The following SLC35F5 variants were observed in gnomAD, a reference collection of about 807,000 sequenced individuals.
The protein encoded by SLC35F5 is solute carrier family 35 member F5.
A neutral mutation model predicts 68.6 loss-of-function variants in SLC35F5; 54 were observed. That is an observed-to-expected ratio of 0.79 (90% CI 0.63 to 0.99). The LOEUF is 0.99. Ranked by LOEUF, SLC35F5 falls within the 50% of genes least tolerant of loss-of-function variation. The probability of loss-of-function intolerance (pLI) is 0.00; values close to 1 mark genes in which losing one functional copy is unlikely to be tolerated. For missense variants in SLC35F5, 567 were observed against 626.9 expected, an observed-to-expected ratio of 0.90 and a Z score of 1.02; for synonymous variants, 211 against 205.2, an observed-to-expected ratio of 1.03 and a Z score of -0.24.
At position 113,708,626 on chromosome 2, in the gene SLC35F5, A is replaced by C. The variant is rs186631982; in HGVS notation, c.*6592T>G. 1.6e-3 allele frequency among the ~76,000 whole-genome samples: 242 copies of C among 152,308 alleles called. 1 individual carries two copies. The highest frequency in any genetic ancestry group is 5.6e-3 in the African/African-American group (232 of 41,554). ...GAGGCTGAGGCAGGAGAATCACTTGAACCCAGGAGGCAGAGGTTAGAGTGA... is the reference window on the plus strand; with the variant it reads ...GAGGCTGAGGCAGGAGAATCACTTGCACCCAGGAGGCAGAGGTTAGAGTGA... On this transcript the variant is annotated 3_prime_UTR_variant, in exon 16 of 16. Transcript: ENST00000245680.
At position 113,734,683 on chromosome 2, in the gene SLC35F5, G is replaced by T; in HGVS notation, c.833-10C>A. On this transcript the variant is annotated splice_polypyrimidine_tract_variant and intron_variant, in intron 8 of 15. Transcript: ENST00000245680. ...ATTAAGGTAAAAAGTCCTATGAGGA[G>T]AAAAGAATTTAAAAATGGTACATGA... 1.3e-6 allele frequency: 2 copies of T among 1,539,066 alleles called. No homozygotes were observed. Among genetic ancestry groups the T allele is most frequent in the Non-Finnish European group, 1.8e-6 (2 of 1,123,720 alleles).
intron 11 of SLC35F5, among the ~76,000 whole-genome samples, chr2:113,727,536 G>A (rs567193828): frequency 2.8e-4 from 43 of 152,212 alleles, no homozygotes; most frequent in Non-Finnish European, 5.1e-4. Context: ...CTTTGACCTA[G>A]AGACAAAAGT....
chr2:113,756,076 G>A (rs575624801), intron 1 of SLC35F5: 191 of 1,454,590 alleles, frequency 1.3e-4, no homozygotes, highest in African/African-American at 2.6e-4. Context: ...CATTTTAAAA[G>A]AAACAGCTGG....
intron 3 of SLC35F5, 66 bp downstream of exon 3, chr2:113,755,099 T>A: frequency 6.7e-7 from 1 of 1,491,886 alleles, no homozygotes. Context: ...CGGCTAGAGT[T>A]ACTACAGGTT....
At chr2:113,726,803 G>A (rs530441451) in intron 11 of SLC35F5, among the ~76,000 whole-genome samples, 3 of 152,188 alleles carry the variant, frequency 2.0e-5, no homozygotes, top group Non-Finnish European at 2.9e-5. Context: ...CCCCGCCTCA[G>A]TACCTGCAAT....
At chr2:113,737,946 TCA>T (rs1430089239) in intron 7 of SLC35F5, among the ~76,000 whole-genome samples, 3 of 152,206 alleles carry the variant, frequency 2.0e-5, no homozygotes, top group African/African-American at 7.2e-5. Flanking sequence ...CATTAGTAAT[TCA>T]TTTTTAAATT....
At chr2:113,756,347 G>A (rs1676989608) in intron 1 of SLC35F5, 23 bp downstream of exon 1, 2 of 1,565,500 alleles carry the variant, frequency 1.3e-6, no homozygotes, top group Non-Finnish European at 1.7e-6. Flanking sequence ...CGGTGATGTC[G>A]GGGCCCTTCC....
At position 113,742,717 on chromosome 2, in the gene SLC35F5, T is replaced by G; in HGVS notation, c.725A>C (p.Lys242Thr). 1.9e-6 allele frequency: 3 copies of G among 1,614,092 alleles called. No individual in the cohort carries two copies. The highest frequency in any genetic ancestry group is 2.5e-6 in the Non-Finnish European group (3 of 1,180,002). Residue 242 changes from lysine (K) to threonine (T), a missense_variant, in exon 7 of 16, where the codon AAA becomes ACA. Transcript: ENST00000245680. ...CACAAAGCAAAAAAAAAAGCTAATT[T>G]TCGCTACTTGAGTTGCAGTAAGTTT... ...VGKLTATQVA[K>T]ISFFFCFVWF...
chr2:113,753,421 C>T (rs1436850242), intron 3 of SLC35F5, among the ~76,000 whole-genome samples: 1 of 152,034 alleles, frequency 6.6e-6, no homozygotes, highest in Admixed American at 6.6e-5. Context: ...AGGTGATCTG[C>T]CCACCTGATC....
chr2:113,712,409 C>CG lies in SLC35F5; in HGVS notation c.*2808dup, dbSNP rs1310438134. Among the ~76,000 whole-genome samples the CG allele has an allele frequency of 6.6e-6, 1 of 152,138 alleles. No individual in the cohort carries two copies. Among genetic ancestry groups the CG allele is most frequent in the African/African-American group, 2.4e-5 (1 of 41,428 alleles). ...TCGGCTCACTGCAGGCTCCGCCTCC[C>CG]GGGTTCACGCCATTCTGCTGCCTCA... is the stretch of plus-strand genomic sequence containing the variant. On this transcript the variant is annotated 3_prime_UTR_variant, in exon 16 of 16. Coordinates refer to ENST00000245680, the MANE Select transcript of SLC35F5 (RefSeq NM_025181.5).
In SLC35F5 at chr2:113,742,871, T is replaced by C; in HGVS notation, c.571A>G (p.Lys191Glu). ...TNIDTEKTPK[K>E]SRVRFSNIME... ...ATATTACTGAACCTCACACGAGACTTTTTGGGGGCTTAAAAGGAAGAGCAT... is the reference window on the plus strand; with the variant it reads ...ATATTACTGAACCTCACACGAGACTCTTTGGGGGCTTAAAAGGAAGAGCAT... Residue 191 changes from lysine (K) to glutamate (E), a missense_variant, in exon 7 of 16, where the codon AAG becomes GAG. Transcript: ENST00000245680. 1 of 1,611,896 alleles carries C rather than the reference T, an allele frequency of 6.2e-7. No individual in the cohort carries two copies. Among genetic ancestry groups the C allele is most frequent in the Non-Finnish European group, 8.5e-7 (1 of 1,178,352 alleles).
rs573917694 is a variant in SLC35F5, at chr2:113,756,435, C to T, written c.-26G>A. The T allele has an allele frequency of 2.5e-5, 39 of 1,542,552 alleles. No individual in the cohort carries two copies. In the South Asian group the frequency reaches 4.4e-4, roughly 17 times the overall value. Reference sequence around the variant, plus strand: ...GAGCGGACCGGTCAGGCCCCGCAGCCGCCCAGCGCCACGGCCGCGGCCTCG... The same window carrying T: ...GAGCGGACCGGTCAGGCCCCGCAGCTGCCCAGCGCCACGGCCGCGGCCTCG... On this transcript the variant is annotated 5_prime_UTR_variant, in exon 1 of 16. Coordinates refer to ENST00000245680, the MANE Select transcript of SLC35F5 (RefSeq NM_025181.5).
intron 15 of SLC35F5, among the ~76,000 whole-genome samples, chr2:113,715,605 A>G (rs542189266): frequency 2.6e-5 from 4 of 152,312 alleles, no homozygotes; most frequent in South Asian, 4.1e-4. Flanking sequence ...TACGAGAACA[A>G]TGCACAGCAT....
chr2:113,724,348 T>A (rs1410512112), intron 12 of SLC35F5, among the ~76,000 whole-genome samples: 1 of 152,140 alleles, frequency 6.6e-6, no homozygotes, highest in African/African-American at 2.4e-5. Flanking sequence ...CTGTTAATAG[T>A]TAAGGTTAAA....
At position 113,709,190 on chromosome 2, in the gene SLC35F5, T is replaced by A. The variant is rs1407505059; in HGVS notation, c.*6028A>T. Reference sequence around the variant, plus strand: ...AACTACAAAACTATGGCCTATGTGGTGTCACTGTTATTCACTCTTTACAAA... The same window carrying A: ...AACTACAAAACTATGGCCTATGTGGAGTCACTGTTATTCACTCTTTACAAA... On this transcript the variant is annotated 3_prime_UTR_variant, in exon 16 of 16. Transcript: ENST00000245680. 6.6e-6 allele frequency among the ~76,000 whole-genome samples: 1 copy of A among 152,026 alleles called. No homozygotes were observed. The highest frequency in any genetic ancestry group is 2.4e-5 in the African/African-American group (1 of 41,390).
intron 3 of SLC35F5, among the ~76,000 whole-genome samples, chr2:113,752,816 T>G (rs2104490267): frequency 6.6e-6 from 1 of 152,206 alleles, no homozygotes; most frequent in East Asian, 1.9e-4. Context: ...GAACATAGAC[T>G]GGATATCAGA....
chr2:113,746,165 T>C, intron 5 of SLC35F5, 112 bp downstream of exon 5: 2 of 796,436 alleles, frequency 2.5e-6, no homozygotes, highest in Non-Finnish European at 4.3e-6. Flanking sequence ...GCACCCAATA[T>C]TGAGCCATAT....
intron 1 of SLC35F5, chr2:113,756,124 C>G: frequency 6.9e-7 from 1 of 1,445,416 alleles, no homozygotes; most frequent in Non-Finnish European, 9.1e-7. Context: ...GCGGGGAAGA[C>G]AGTTAAGGCA....
chr2:113,729,373 T>G (rs201755018), intron 11 of SLC35F5, 28 bp downstream of exon 11: 2 of 1,184,956 alleles, frequency 1.7e-6, no homozygotes, highest in East Asian at 5.0e-5. Context: ...TTAGAGTAAA[T>G]AGCCTCCCAA....
Sources: gnomAD v4.1 joint callset for allele counts (sites outside exome capture counted in the v4.1 genomes callset) on GRCh38, gnomAD v4.1.1 for gene constraint, MANE v1.5 for transcripts, NCBI Gene and HGNC (gene_info 2026-07-23, HGNC 2026-07-21) for gene names.